CACNB4: variants seen among roughly 807,000 people sequenced by gnomAD.
The protein encoded by CACNB4 is calcium voltage-gated channel auxiliary subunit beta 4.
Under a neutral mutation model 71.2 loss-of-function variants are expected in CACNB4, and 32 were observed. The observed-to-expected ratio is 0.45, with a 90% CI of 0.34 to 0.60. The LOEUF (loss-of-function observed/expected upper bound fraction) is 0.60. Among genes scored for constraint, CACNB4 ranks in the 20% least tolerant of loss-of-function variants. CACNB4 has a pLI of 0.01. For missense variants in CACNB4, 464 were observed against 647.9 expected (o/e 0.72, Z 3.08); for synonymous variants, 231 against 236.9 (o/e 0.97, Z 0.23).
rs1018624166 is a variant in CACNB4 at position 151,837,758 on chromosome 2, T to G, written c.*1361A>C. On this transcript the variant is annotated 3_prime_UTR_variant, in exon 14 of 14. Coordinates refer to ENST00000539935, the MANE Select transcript of CACNB4 (RefSeq NM_000726.5). ...TAGCCACTGGAAAAACTGTGAAGAC[T>G]TAATAAGATGAAGAGGAGTGTTCAT... The G allele has an allele frequency of 6.6e-6, 1 of 152,120 alleles. No individual in the cohort carries two copies. The highest frequency in any genetic ancestry group is 1.5e-5 in the Non-Finnish European group (1 of 67,990). The allele number at this position is 152,120 out of a possible 1,614,324, so 9.4% of individuals were successfully genotyped here. A position where few individuals can be genotyped will look rare whatever the true frequency, so the allele number is the denominator to read the frequency against.
At chr2:151,956,399 A>T (rs981401318) in intron 2 of CACNB4, among the ~76,000 whole-genome samples, 2 of 152,234 alleles carry the variant, frequency 1.3e-5, no homozygotes, top group Admixed American at 6.5e-5. Context: ...TGCAACATGG[A>T]TGGATCCTGA....
chr2:151,869,902 G>T, intron 8 of CACNB4: 1 of 363,958 alleles, frequency 2.7e-6, no homozygotes, highest in South Asian at 3.8e-5. Context: ...CACCTTCAGA[G>T]TTTAATGTCA....
At chr2:152,035,651 C>CTCTCTCTCTCTCTCTCTCTCTA (rs796161186) in intron 2 of CACNB4, among the ~76,000 whole-genome samples, 9 of 118,074 alleles carry the variant, frequency 7.6e-5, no homozygotes, top group African/African-American at 2.5e-4. Flanking sequence ...CTCTCTCTCT[C>CTCTCTCTCTCTCTCTCTCTCTA]TATATATATA....
chr2:151,889,759 C>T (rs576223230), intron 2 of CACNB4, among the ~76,000 whole-genome samples: 1 of 152,184 alleles, frequency 6.6e-6, no homozygotes, highest in Admixed American at 6.5e-5. Flanking sequence ...TCCTTCACCC[C>T]CTTTATCAAA....
chr2:151,933,296 T>C (rs1002717239), intron 2 of CACNB4, among the ~76,000 whole-genome samples: 2 of 151,916 alleles, frequency 1.3e-5, no homozygotes, highest in African/African-American at 2.4e-5. Flanking sequence ...ATTTAGCATG[T>C]TATTAACAGG....
At chr2:152,045,828 A>G (rs1685118397) in intron 2 of CACNB4, among the ~76,000 whole-genome samples, 1 of 152,210 alleles carries the variant, frequency 6.6e-6, no homozygotes, top group Non-Finnish European at 1.5e-5. Context: ...GCAGGGATTC[A>G]TTAAACATTT....
intron 2 of CACNB4, among the ~76,000 whole-genome samples, chr2:152,024,704 C>T (rs1339325730): frequency 6.6e-6 from 1 of 152,252 alleles, no homozygotes; most frequent in Non-Finnish European, 1.5e-5. Flanking sequence ...AAGGCTGCTA[C>T]ACCCTTAGGG....
rs759153270 is a variant in CACNB4, at chr2:151,836,985, G to A, written c.*2134C>T. ...AAACCAGTAAAGCATATAGAAAAAT[G>A]TTTTGGCTAATGTTTTCTTTCTCAT... On this transcript the variant is annotated 3_prime_UTR_variant, in exon 14 of 14. Coordinates refer to ENST00000539935, the MANE Select transcript of CACNB4 (RefSeq NM_000726.5). 6.6e-6 allele frequency: 1 copy of A among 151,932 alleles called. No individual in the cohort carries two copies. Among genetic ancestry groups the A allele is most frequent in the Non-Finnish European group, 1.5e-5 (1 of 67,836 alleles). 9.4% of individuals were successfully genotyped at this position (151,932 alleles called of 1,614,324 possible).
At chr2:151,869,626 C>G (rs1361571130) in intron 8 of CACNB4, 1 of 174,756 alleles carries the variant, frequency 5.7e-6, no homozygotes, top group Non-Finnish European at 1.2e-5. Context: ...CTGAGGCCAG[C>G]ACTGGACTCA....
intron 2 of CACNB4, among the ~76,000 whole-genome samples, chr2:152,008,406 C>A (rs531146367): frequency 8.4e-4 from 128 of 152,254 alleles, no homozygotes; most frequent in Non-Finnish European, 1.7e-3. Context: ...CTTGCCTCAG[C>A]CTCCCAAGTA....
intron 2 of CACNB4, among the ~76,000 whole-genome samples, chr2:152,020,407 G>T (rs1418123309): frequency 6.6e-6 from 1 of 152,196 alleles, no homozygotes; most frequent in Non-Finnish European, 1.5e-5. Context: ...ATGCTTCAGA[G>T]AGCATTTCAG....
chr2:152,076,596 T>C (rs1025718821), intron 2 of CACNB4, among the ~76,000 whole-genome samples: 5 of 152,180 alleles, frequency 3.3e-5, no homozygotes. Flanking sequence ...AGCCCTTGAA[T>C]CATCTCTAAG....
chr2:151,920,433 C>T (rs1262731643), intron 2 of CACNB4, among the ~76,000 whole-genome samples: 1 of 150,344 alleles, frequency 6.7e-6, no homozygotes, highest in African/African-American at 2.5e-5. Context: ...AGTGATCCTT[C>T]CGCCTCAGCC....
chr2:151,896,090 C>T (rs369598861), intron 2 of CACNB4, among the ~76,000 whole-genome samples: 78 of 152,282 alleles, frequency 5.1e-4, no homozygotes, highest in African/African-American at 1.6e-3. Context: ...AGGTGATTCG[C>T]CTGCCTTGGC....
intron 2 of CACNB4, among the ~76,000 whole-genome samples, chr2:151,987,493 A>G (rs1461764706): frequency 6.6e-6 from 1 of 152,206 alleles, no homozygotes; most frequent in Non-Finnish European, 1.5e-5. Flanking sequence ...CCTGAGCATA[A>G]TAAATCGGGA....
intron 2 of CACNB4, among the ~76,000 whole-genome samples, chr2:152,070,528 T>G (rs1686622354): frequency 6.6e-6 from 1 of 152,116 alleles, no homozygotes; most frequent in African/African-American, 2.4e-5. Flanking sequence ...AAATGGGTGT[T>G]CACGGAAACC....
intron 5 of CACNB4, chr2:151,873,502 T>C (rs1322675594): frequency 2.0e-5 from 3 of 152,102 alleles, no homozygotes; most frequent in Non-Finnish European, 4.4e-5. Flanking sequence ...ACAAGATAGA[T>C]AGGTAAATAT....
rs566280872 is a variant in CACNB4, at chr2:151,934,648, C to T, written c.148-51278G>A. 5.9e-5 allele frequency among the ~76,000 whole-genome samples: 9 copies of T among 152,228 alleles called. No homozygotes were observed. The South Asian group carries it at 1.9e-3, about 32-fold the overall frequency. On this transcript the variant is annotated intron_variant, in intron 2 of 13. Transcript: ENST00000539935. The stretch of plus-strand genomic sequence containing the variant: ...GATCAAGAGATGGAGACCATCCTTG[C>T]CAACATGGTGAAACCCCGTCTCTAC...
At chr2:152,023,655 C>T (rs1353707888) in intron 2 of CACNB4, among the ~76,000 whole-genome samples, 2 of 151,956 alleles carry the variant, frequency 1.3e-5, no homozygotes, top group African/African-American at 4.8e-5. Flanking sequence ...GGCTGGTCTC[C>T]AACTCCTCAT....
Sources: gnomAD v4.1 joint callset for allele counts (sites outside exome capture counted in the v4.1 genomes callset) on GRCh38, gnomAD v4.1.1 for gene constraint, MANE v1.5 for transcripts, NCBI Gene and HGNC (gene_info 2026-07-23, HGNC 2026-07-21) for gene names.